Variants in BIRC6 observed in about 807,000 individuals in gnomAD.
BIRC6 encodes dual E2 ubiquitin-conjugating enzyme/E3 ubiquitin-protein ligase BIRC6.
A neutral mutation model predicts 503.3 loss-of-function variants in BIRC6; 98 were observed. The ratio of observed to expected loss-of-function variants is 0.19; its 90% CI spans 0.17 to 0.23. BIRC6 has a LOEUF of 0.23. BIRC6 is among the 10% of genes least tolerant of loss of function. The pLI is 1.00. For missense variants in BIRC6, 5,360 were observed against 5,806.0 expected (o/e 0.92, Z 2.50); for synonymous variants, 2,240 against 2,078.7 (o/e 1.08, Z -2.11).
intron 65 of BIRC6, among the ~76,000 whole-genome samples, chr2:32,555,574 G>T (rs2058717426): frequency 6.6e-6 from 1 of 151,940 alleles, no homozygotes; most frequent in Non-Finnish European, 1.5e-5. Flanking sequence ...CAGAGGCCGA[G>T]GTTGCAGTGA....
At chr2:32,411,854 T>TA (rs1252604670) in intron 9 of BIRC6, among the ~76,000 whole-genome samples, 4 of 152,184 alleles carry the variant, frequency 2.6e-5, no homozygotes, top group Non-Finnish European at 4.4e-5. Context: ...GCCATTGAGA[T>TA]AGAGACAGAT....
chr2:32,369,939 AAAAAAAAT>A (rs1187914184), intron 1 of BIRC6, among the ~76,000 whole-genome samples: 6 of 53,262 alleles, frequency 1.1e-4, no homozygotes, highest in African/African-American at 6.0e-4. Context: ...AAAAAAAAAA[AAAAAAAAT>A]ATATATATAT....
intron 45 of BIRC6, 144 bp downstream of exon 45, chr2:32,493,811 G>A (rs185794135): frequency 4.8e-6 from 3 of 628,452 alleles, no homozygotes; most frequent in East Asian, 2.8e-5. Flanking sequence ...GGATATATTG[G>A]TGTGTTTCCT....
rs578072534 is a variant in BIRC6 at position 32,581,948 on chromosome 2, C to T, written c.13355+6582C>T. Among the ~76,000 whole-genome samples, 94 of 152,180 alleles carry T rather than the reference C, an allele frequency of 6.2e-4. 1 individual carries two copies. Among genetic ancestry groups the T allele is most frequent in the Non-Finnish European group, 9.9e-4 (67 of 68,016 alleles). On this transcript the variant is annotated intron_variant, in intron 66 of 73. Coordinates refer to ENST00000421745, the MANE Select transcript of BIRC6 (RefSeq NM_016252.4). ...TGCGATCTTGGCTCACTGCAAGTTC[C>T]GCCTCCTGGGTTCAAGCAATTCTCC...
intron 1 of BIRC6, among the ~76,000 whole-genome samples, chr2:32,367,214 G>T (rs149100777): frequency 7.1e-4 from 108 of 152,150 alleles, no homozygotes; most frequent in African/African-American, 2.6e-3. Flanking sequence ...TGTAATCCCA[G>T]CACTTTGGGA....
intron 68 of BIRC6, among the ~76,000 whole-genome samples, chr2:32,597,378 C>G (rs1358906379): frequency 6.6e-6 from 1 of 152,110 alleles, no homozygotes; most frequent in Non-Finnish European, 1.5e-5. Flanking sequence ...ATCAAGTAGC[C>G]ATTGTCTTTG....
At chr2:32,499,207 T>A (rs1339970510) in intron 45 of BIRC6, among the ~76,000 whole-genome samples, 1 of 152,186 alleles carries the variant, frequency 6.6e-6, no homozygotes, top group East Asian at 1.9e-4. Context: ...ATGGAAAAAA[T>A]TAGAACTCAT....
chr2:32,458,585 C>T (rs1279659256), intron 23 of BIRC6, among the ~76,000 whole-genome samples: 2 of 151,304 alleles, frequency 1.3e-5, no homozygotes, highest in Non-Finnish European at 2.9e-5. Context: ...TCCCACTTTA[C>T]TGCAGTGTTG....
intron 41 of BIRC6, 74 bp downstream of exon 41, chr2:32,487,875 G>A: frequency 7.8e-7 from 1 of 1,277,938 alleles, no homozygotes. Flanking sequence ...TAATTGGGAA[G>A]TTCATTCTAA....
rs765589493 is a variant in BIRC6 at position 32,525,489 on chromosome 2, T to C, written c.11781T>C (p.Ala3927=). The change falls in exon 59 of 74, where the codon GCT becomes GCC. Residue 3927 remains alanine (A), a synonymous_variant. Transcript: ENST00000421745. ...ASGLKSQSKR[A]VSATPPRPPS... ...GGCTGAAGTCTCAATCTAAACGTGC[T>C]GTGTCAGCTACACCACCTCGCCCAC... is the stretch of plus-strand genomic sequence containing the variant. 6.2e-7 allele frequency: 1 copy of C among 1,614,008 alleles called. No individual in the cohort carries two copies. Among genetic ancestry groups the C allele is most frequent in the Non-Finnish European group, 8.5e-7 (1 of 1,179,882 alleles).
At chr2:32,408,175 C>A (rs1259062063) in intron 9 of BIRC6, among the ~76,000 whole-genome samples, 1 of 152,158 alleles carries the variant, frequency 6.6e-6, no homozygotes, top group Non-Finnish European at 1.5e-5. Flanking sequence ...ACCATGTTGG[C>A]CAGGCTCATC....
chr2:32,453,802 C>G lies in BIRC6; in HGVS notation c.4619-6C>G. 1 of 1,610,216 alleles carries G rather than the reference C, an allele frequency of 6.2e-7. No homozygotes were observed. Among genetic ancestry groups the G allele is most frequent in the South Asian group, 1.1e-5 (1 of 90,150 alleles). On this transcript the variant is annotated splice_polypyrimidine_tract_variant and splice_region_variant and intron_variant, in intron 22 of 73. Transcript: ENST00000421745. The stretch of plus-strand genomic sequence containing the variant: ...ACGTGTTATAAAACTTGTCTTTTGC[C>G]ATTAGGAAATGGAAAGGTCAGTAGT...
At chr2:32,374,686 A>T (rs1263540701) in intron 1 of BIRC6, among the ~76,000 whole-genome samples, 1 of 151,884 alleles carries the variant, frequency 6.6e-6, no homozygotes, top group Non-Finnish European at 1.5e-5. Context: ...GTTAGCCAGG[A>T]TGGTCTCGAT....
intron 66 of BIRC6, among the ~76,000 whole-genome samples, chr2:32,580,538 G>A (rs2060602816): frequency 6.6e-6 from 1 of 152,056 alleles, no homozygotes; most frequent in African/African-American, 2.4e-5. Flanking sequence ...AGGAAATCAG[G>A]GGCTAGAAGA....
At chr2:32,377,830 G>A in intron 2 of BIRC6, 61 bp downstream of exon 2, 2 of 1,384,366 alleles carry the variant, frequency 1.4e-6, no homozygotes, top group Non-Finnish European at 1.9e-6. Flanking sequence ...CATATTAGAT[G>A]TTAAATGAAA....
rs1158247243 is a variant in BIRC6, at chr2:32,465,153, G to A, written c.5345G>A (p.Arg1782Gln). 2.6e-6 allele frequency: 4 copies of A among 1,524,908 alleles called. No individual in the cohort carries two copies. Among genetic ancestry groups the A allele is most frequent in the Non-Finnish European group, 3.5e-6 (4 of 1,127,492 alleles). 94.5% of individuals were successfully genotyped at this position (1,524,908 alleles called of 1,614,324 possible). The change falls in exon 26 of 74, where the codon CGA becomes CAA. Residue 1782 changes from arginine (R) to glutamine (Q), a missense_variant. Arg to Gln is a conservative substitution (Grantham distance 43, BLOSUM62 1). Around this residue, in one of 16 missense-constraint regions of BIRC6, gnomAD observed 2,299 missense variants for 2,267.2 expected, o/e 1.01. Transcript: ENST00000421745. The part of the protein sequence containing the change: ...PPPHQSIIIE[R>Q]MHSGARRFVT... The stretch of plus-strand genomic sequence containing the variant: ...CCTCACCAGTCCATTATTATAGAGC[G>A]AATGCATTCAGGTAATCTTTTACTT...
chr2:32,378,700 G>A (rs1022851579), intron 2 of BIRC6, among the ~76,000 whole-genome samples: 1 of 151,852 alleles, frequency 6.6e-6, no homozygotes, highest in African/African-American at 2.4e-5. Flanking sequence ...CAATTGATCC[G>A]CCCGCCTCAG....
At chr2:32,399,695 C>T (rs533570991) in intron 6 of BIRC6, among the ~76,000 whole-genome samples, 2 of 152,088 alleles carry the variant, frequency 1.3e-5, no homozygotes, top group African/African-American at 4.8e-5. Flanking sequence ...TAAGTTGATC[C>T]TGCTTACAAT....
intron 73 of BIRC6, among the ~76,000 whole-genome samples, chr2:32,612,980 G>A (rs911569878): frequency 1.3e-5 from 2 of 152,074 alleles, no homozygotes; most frequent in African/African-American, 4.8e-5. Context: ...ACCTTATGCA[G>A]TTTGACTTCT....
Sources: gnomAD v4.1 joint callset for allele counts (sites outside exome capture counted in the v4.1 genomes callset) on GRCh38, gnomAD v4.1.1 for gene constraint, gnomAD v4.1.1 regional missense constraint, MANE v1.5 for transcripts, NCBI Gene and HGNC (gene_info 2026-07-23, HGNC 2026-07-21) for gene names.